The following THBS4 variants were observed in gnomAD, a reference collection of about 807,000 sequenced individuals.
THBS4 encodes the protein thrombospondin-4.
In THBS4, 90 loss-of-function variants were observed where a neutral mutation model predicts 115.7. The ratio of observed to expected loss-of-function variants is 0.78; its 90% CI spans 0.66 to 0.93. The LOEUF is 0.93. THBS4 is among the 40% of genes least tolerant of loss of function. The pLI is 0.00. For synonymous variants in THBS4, 460 were observed against 479.3 expected, an observed-to-expected ratio of 0.96 and a Z score of 0.53; for missense variants, 1,087 against 1,232.7, an observed-to-expected ratio of 0.88 and a Z score of 1.77.
chr5:80,083,152 C>T lies in THBS4; in HGVS notation c.*11C>T, dbSNP rs904653072. 3 of 1,608,422 alleles carry T rather than the reference C, an allele frequency of 1.9e-6. No individual in the cohort carries two copies. Among genetic ancestry groups the T allele is most frequent in the Non-Finnish European group, 2.6e-6 (3 of 1,174,754 alleles). On this transcript the variant is annotated 3_prime_UTR_variant, in exon 22 of 22. Coordinates refer to ENST00000350881, the MANE Select transcript of THBS4 (RefSeq NM_003248.6). ...CGCTTCGATAATTAAACCAAGGAAG[C>T]AATCTGTAACTGCTTTTCGGAACAC...
upstream of THBS4, among the ~76,000 whole-genome samples, chr5:80,032,089 C>T (rs1369316036): frequency 6.6e-6 from 1 of 151,886 alleles, no homozygotes; most frequent in African/African-American, 2.4e-5. Flanking sequence ...GAAATAAAAT[C>T]CAATGTAAGT....
chr5:80,082,033 C>T (rs565686654), intron 20 of THBS4: 4 of 182,106 alleles, frequency 2.2e-5, no homozygotes, highest in Non-Finnish European at 3.4e-5. Context: ...CTAGACAAGG[C>T]AACTCACATG....
intron 9 of THBS4, chr5:80,067,313 CAAT>C (rs1331741109): frequency 6.6e-6 from 1 of 151,714 alleles, no homozygotes; most frequent in Non-Finnish European, 1.5e-5. Flanking sequence ...AATTATACCT[CAAT>C]AAAGATGAAA....
intron 2 of THBS4, among the ~76,000 whole-genome samples, chr5:80,007,988 A>G (rs990791293): frequency 1.3e-5 from 2 of 152,222 alleles, no homozygotes; most frequent in African/African-American, 4.8e-5. Context: ...AGATCTTACA[A>G]CAAACTGGGC....
In THBS4 at chr5:80,058,756, T is replaced by C; in HGVS notation, c.698T>C (p.Leu233Pro). 1 of 1,614,046 alleles carries C rather than the reference T, an allele frequency of 6.2e-7. No homozygotes were observed. Among genetic ancestry groups the C allele is most frequent in the Non-Finnish European group, 8.5e-7 (1 of 1,179,996 alleles). Reference sequence around the variant, plus strand: ...GGTCAAATGACACAATTAAACCAACTCCTGGGAGAGGTGAAGGACCTTCTG... The same window carrying C: ...GGTCAAATGACACAATTAAACCAACCCCTGGGAGAGGTGAAGGACCTTCTG... ...FLGQMTQLNQLLGEVKDLLRQ... is the reference protein window; with the variant it reads ...FLGQMTQLNQPLGEVKDLLRQ... Residue 233 changes from leucine (L) to proline (P), a missense_variant, in exon 5 of 22, where the codon CTC becomes CCC. Coordinates refer to ENST00000350881, the MANE Select transcript of THBS4 (RefSeq NM_003248.6).
At position 80,040,265 on chromosome 5, in the gene THBS4, G is replaced by A. The variant is rs1266611983; in HGVS notation, c.277G>A (p.Gly93Arg). 6.2e-7 allele frequency: 1 copy of A among 1,613,092 alleles called. No individual in the cohort carries two copies. Among genetic ancestry groups the A allele is most frequent in the Non-Finnish European group, 8.5e-7 (1 of 1,179,572 alleles). The change falls in exon 2 of 22, where the codon GGA becomes AGA. Residue 93 changes from glycine to arginine, a missense_variant. Transcript: ENST00000350881. ...NSKYFEFTVM[G>R]RLNKAILRYL... ...TAAATATTTTGAATTTACTGTGATG[G>A]GACGCTTAAACAAAGGTAAGCAAAT...
At chr5:80,008,131 G>T (rs1832053244) in intron 2 of THBS4, among the ~76,000 whole-genome samples, 1 of 152,148 alleles carries the variant, frequency 6.6e-6, no homozygotes. Context: ...GATACTTTAA[G>T]GCTGTGTTTA....
chr5:80,068,116 G>A lies in THBS4; in HGVS notation c.1338G>A (p.Val446=). The change falls in exon 10 of 22, where the codon GTG becomes GTA. Residue 446 remains valine (V), a synonymous_variant. Coordinates refer to ENST00000350881, the MANE Select transcript of THBS4 (RefSeq NM_003248.6). ...AQCIEERQGD[V]TCVCGVGWAG... ...GCATTGAAGAGAGGCAGGGGGATGT[G>A]ACATGTGTGGTAAGTTGTTTTTTGA... 1 of 1,613,682 alleles carries A rather than the reference G, an allele frequency of 6.2e-7. No individual in the cohort carries two copies. Among genetic ancestry groups the A allele is most frequent in the Non-Finnish European group, 8.5e-7 (1 of 1,179,888 alleles).
At chr5:80,046,319 T>C (rs534376231) in intron 2 of THBS4, among the ~76,000 whole-genome samples, 15 of 152,350 alleles carry the variant, frequency 9.8e-5, no homozygotes, top group African/African-American at 3.6e-4. Context: ...CAGGAGCAGA[T>C]GAATTACACA....
At chr5:80,007,079 CAGA>C (rs1832033824) in intron 2 of THBS4, among the ~76,000 whole-genome samples, 1 of 152,090 alleles carries the variant, frequency 6.6e-6, no homozygotes, top group South Asian at 2.1e-4. Context: ...GATACAGTCT[CAGA>C]AGGAGCAGAG....
At chr5:80,061,293 CG>C (rs1561317010) in intron 7 of THBS4, among the ~76,000 whole-genome samples, 1 of 152,094 alleles carries the variant, frequency 6.6e-6, no homozygotes, top group East Asian at 1.9e-4. Flanking sequence ...TTTGCCTTCT[CG>C]AGGTCTTTCT....
intron 2 of THBS4, among the ~76,000 whole-genome samples, chr5:80,048,371 G>A (rs2112060243): frequency 6.6e-6 from 1 of 152,244 alleles, no homozygotes; most frequent in Admixed American, 6.5e-5. Context: ...TTTATTGAAG[G>A]AATTTGTGAA....
At chr5:80,004,912 A>AT (rs1831985477) in intron 2 of THBS4, among the ~76,000 whole-genome samples, 1 of 151,834 alleles carries the variant, frequency 6.6e-6, no homozygotes, top group Admixed American at 6.6e-5. Context: ...TAATTTTTGT[A>AT]TTTTTAGTAG....
At chr5:80,082,983 A>G (rs1317143543) in intron 21 of THBS4, 97 bp from the exon 22 acceptor site, 2 of 1,089,844 alleles carry the variant, frequency 1.8e-6, no homozygotes, top group Non-Finnish European at 2.8e-6. Flanking sequence ...GGGCGGGCTA[A>G]CAGCGCCCCC....
intron 17 of THBS4, among the ~76,000 whole-genome samples, chr5:80,078,486 G>C (rs1743327964): frequency 6.6e-6 from 1 of 152,170 alleles, no homozygotes; most frequent in Non-Finnish European, 1.5e-5. Flanking sequence ...ACTGGAATTG[G>C]GACCCAGGCA....
At chr5:80,065,181 T>A (rs1453770565) in intron 8 of THBS4, among the ~76,000 whole-genome samples, 1 of 152,156 alleles carries the variant, frequency 6.6e-6, no homozygotes, top group African/African-American at 2.4e-5. Flanking sequence ...ACAAGTTGTC[T>A]TTTCTGAATA....
intron 2 of THBS4, chr5:80,019,467 C>T (rs908446062): frequency 1.3e-5 from 2 of 152,108 alleles, no homozygotes; most frequent in African/African-American, 4.8e-5. Context: ...ATTATCATTA[C>T]TTTTCTTAGG....
At chr5:80,076,381 C>T (rs1048916977) in intron 15 of THBS4, 6 of 152,650 alleles carry the variant, frequency 3.9e-5, no homozygotes, top group African/African-American at 9.6e-5. Context: ...ATCTCCATAA[C>T]AACTCTATGA....
intron 10 of THBS4, among the ~76,000 whole-genome samples, chr5:80,069,397 C>T (rs969032337): frequency 2.0e-5 from 3 of 152,170 alleles, no homozygotes; most frequent in African/African-American, 7.2e-5. Context: ...CAGCAATTTC[C>T]TGAATTCCTC....
Sources: gnomAD v4.1 joint callset for allele counts (sites outside exome capture counted in the v4.1 genomes callset) on GRCh38, gnomAD v4.1.1 for gene constraint, MANE v1.5 for transcripts, NCBI Gene and HGNC (gene_info 2026-07-23, HGNC 2026-07-21) for gene names.